The following TSC2 variants were observed in gnomAD, a reference collection of about 807,000 sequenced individuals.
TSC2 encodes the protein TSC complex subunit 2.
In TSC2, 29 loss-of-function variants were observed where a neutral mutation model predicts 202.2. That is an observed-to-expected ratio of 0.14 (90% CI 0.11 to 0.20). The LOEUF is 0.20. Ranked by LOEUF, TSC2 falls within the 10% of genes least tolerant of loss-of-function variation. The probability of loss-of-function intolerance (pLI) is 1.00; values close to 1 mark genes in which losing one functional copy is unlikely to be tolerated. For synonymous variants in TSC2, 1,349 were observed against 1,044.0 expected (o/e 1.29, Z -5.63); for missense variants, 2,429 against 2,420.0 (o/e 1.00, Z -0.08).
chr16:2,080,654 T>G (rs1449645747), intron 30 of TSC2: 3 of 449,960 alleles, frequency 6.7e-6, no homozygotes, highest in South Asian at 2.2e-5. Flanking sequence ...TGGCCAATTT[T>G]TTTGTATTTC....
intron 9 of TSC2, among the ~76,000 whole-genome samples, chr16:2,057,561 C>T (rs2086030259): frequency 6.6e-6 from 1 of 152,158 alleles, no homozygotes; most frequent in African/African-American, 2.4e-5. Flanking sequence ...TCAGCTCTGC[C>T]CACACCCTGG....
chr16:2,082,591 C>T (rs944954547), intron 32 of TSC2, 87 bp downstream of exon 32: 2 of 1,451,000 alleles, frequency 1.4e-6, no homozygotes, highest in African/African-American at 2.8e-5. Context: ...CGCCCACCCC[C>T]ATGGTCCGTC....
chr16:2,070,731 C>T (rs957514949), intron 17 of TSC2, among the ~76,000 whole-genome samples, 153 bp downstream of exon 17: 1 of 152,238 alleles, frequency 6.6e-6, no homozygotes, highest in Non-Finnish European at 1.5e-5. Flanking sequence ...CGCAGCCTCC[C>T]CAGTCCTGGT....
Position 2,089,021 on chromosome 16 carries a change from G to C in TSC2, c.*411G>C, listed in dbSNP as rs368013485. Reference sequence around the variant, plus strand: ...AGACCTGATGCCAGCAGGCCTGGGCGCTGCTCTCTTGCTACCTGGCCTGGG... The same window carrying C: ...AGACCTGATGCCAGCAGGCCTGGGCCCTGCTCTCTTGCTACCTGGCCTGGG... On this transcript the variant is annotated 3_prime_UTR_variant, in exon 42 of 42. Transcript: ENST00000219476. The C allele has an allele frequency of 2.8e-5, 6 of 214,676 alleles. No individual in the cohort carries two copies. Among genetic ancestry groups the C allele is most frequent in the African/African-American group, 1.4e-4 (6 of 43,318 alleles). 13.3% of individuals were successfully genotyped at this position (214,676 alleles called of 1,614,324 possible). A position where few individuals can be genotyped will look rare whatever the true frequency, so the allele number is the denominator to read the frequency against.
At chr16:2,051,791 G>A (rs750389023) in intron 3 of TSC2, among the ~76,000 whole-genome samples, 20 of 152,290 alleles carry the variant, frequency 1.3e-4, no homozygotes, top group South Asian at 2.1e-4. Context: ...TTAGCCGGGC[G>A]CAGTGGTTCA....
intron 12 of TSC2, 21 bp from the exon 13 acceptor site, chr16:2,062,476 C>T (rs1368934421): frequency 1.3e-6 from 2 of 1,595,284 alleles, no homozygotes; most frequent in African/African-American, 1.3e-5. Flanking sequence ...AGAGGGGCAA[C>T]ACCGGCTCTT....
intron 10 of TSC2, among the ~76,000 whole-genome samples, chr16:2,059,493 C>T (rs984863593): frequency 6.3e-5 from 9 of 143,840 alleles, no homozygotes; most frequent in Non-Finnish European, 1.2e-4. Flanking sequence ...GTGCCTGCCA[C>T]AGTGCCTGGC....
chr16:2,085,620 G>A (rs1473254179), intron 36 of TSC2, among the ~76,000 whole-genome samples: 1 of 152,204 alleles, frequency 6.6e-6, no homozygotes, highest in African/African-American at 2.4e-5. Flanking sequence ...CAGCTGAGTG[G>A]TGAGGGAGCG....
intron 4 of TSC2, chr16:2,054,084 G>T (rs1158909196): frequency 8.9e-6 from 6 of 676,420 alleles, no homozygotes; most frequent in African/African-American, 1.8e-5. Context: ...CACAGCAGTT[G>T]CTCCCCATAC....
At chr16:2,080,592 T>C (rs567743800) in intron 30 of TSC2, 781 of 600,036 alleles carry the variant, frequency 1.3e-3, no homozygotes, top group Non-Finnish European at 1.9e-3. Flanking sequence ...CACGCCATTC[T>C]CCTGCCTCAG....
rs2151071734 is a variant in TSC2, at chr16:2,056,256, C to A, written c.648+12C>A. On this transcript the variant is annotated intron_variant, in intron 7 of 41. Coordinates refer to ENST00000219476, the MANE Select transcript of TSC2 (RefSeq NM_000548.5). ...CTGTGGACATAGAGGTCAGTGCCTC[C>A]CCTCCCCAGGGCCGGCCCATTTCAC... The A allele has an allele frequency of 6.2e-7, 1 of 1,613,980 alleles. No homozygotes were observed. Among genetic ancestry groups the A allele is most frequent in the Non-Finnish European group, 8.5e-7 (1 of 1,180,030 alleles).
chr16:2,054,734 A>C, intron 5 of TSC2: 1 of 499,154 alleles, frequency 2.0e-6, no homozygotes, highest in Non-Finnish European at 3.7e-6. Flanking sequence ...TGTCACTGGG[A>C]GGTGGTGCTG....
chr16:2,063,264 A>G, intron 14 of TSC2: 1 of 648,992 alleles, frequency 1.5e-6, no homozygotes, highest in Non-Finnish European at 2.7e-6. Context: ...ACACGTGGCC[A>G]AGTAGCAAGG....
chr16:2,075,394 G>A (rs562053961), intron 22 of TSC2: 1 of 211,294 alleles, frequency 4.7e-6, no homozygotes, highest in Non-Finnish European at 9.7e-6. Flanking sequence ...AGGCGTGGTG[G>A]CGGGCGCCTG....
intron 9 of TSC2, 100 bp from the exon 10 acceptor site, chr16:2,058,647 C>A (rs1555499555): frequency 1.3e-6 from 2 of 1,523,742 alleles, no homozygotes; most frequent in South Asian, 2.4e-5. Context: ...GCACAGGGAC[C>A]TCTGGGGCTG....
At position 2,079,316 on chromosome 16, in the gene TSC2, A is replaced by C. The variant is rs2089826724; in HGVS notation, c.3172A>C (p.Lys1058Gln). The C allele has an allele frequency of 6.2e-7, 1 of 1,612,946 alleles. No homozygotes were observed. The highest frequency in any genetic ancestry group is 1.3e-5 in the African/African-American group (1 of 74,920). ...GEFLLAGGRT[K>Q]TWLVGNKLVT... ...GTTCCTCCTAGCGGGTGGCAGGACC[A>C]AAACCTGGCTGGTTGGGAACAAGCT... Residue 1058 changes from lysine (K) to glutamine (Q), a missense_variant, in exon 28 of 42, where the codon AAA becomes CAA. Coordinates refer to ENST00000219476, the MANE Select transcript of TSC2 (RefSeq NM_000548.5). This position sits in a 1 kb window ranked among gnomAD's most constrained non-coding sequence, Gnocchi z 4.6.
At position 2,088,252 on chromosome 16, in the gene TSC2, G is replaced by T. The variant is rs760395277; in HGVS notation, c.5186G>T (p.Arg1729Leu). ...ANMASQVHHSRSNPTDIYPSK... is the reference protein window; with the variant it reads ...ANMASQVHHSLSNPTDIYPSK... ...ATGGCCTCACAGGTGCATCATAGCCGCTCCAACCCCACCGATATCTACCCC... is the reference window on the plus strand; with the variant it reads ...ATGGCCTCACAGGTGCATCATAGCCTCTCCAACCCCACCGATATCTACCCC... Residue 1729 changes from arginine (R) to leucine (L), a missense_variant, in exon 41 of 42, where the codon CGC (arginine) becomes CTC (leucine). Transcript: ENST00000219476. 3 of 1,603,728 alleles carry T rather than the reference G, an allele frequency of 1.9e-6. No individual in the cohort carries two copies. The highest frequency in any genetic ancestry group is 2.5e-6 in the Non-Finnish European group (3 of 1,176,514).
chr16:2,054,225 T>A, intron 4 of TSC2, 71 bp from the exon 5 acceptor site: 1 of 1,611,938 alleles, frequency 6.2e-7, no homozygotes, highest in South Asian at 1.1e-5. Context: ...GCCCCTGCAC[T>A]TCAGGGACTT....
At chr16:2,071,356 C>A in intron 17 of TSC2, 154 bp from the exon 18 acceptor site, 2 of 748,870 alleles carry the variant, frequency 2.7e-6, no homozygotes, top group Non-Finnish European at 4.6e-6. Flanking sequence ...CAGGACAGAG[C>A]CTGTGTCTGT....
Sources: allele counts gnomAD v4.1 joint callset (sites outside exome capture counted in the v4.1 genomes callset), GRCh38; gene constraint gnomAD v4.1.1; non-coding constraint Gnocchi (gnomAD v3.1); transcripts MANE v1.5; gene names NCBI Gene and HGNC (gene_info 2026-07-23, HGNC 2026-07-21).